GKN2: variants seen among roughly 807,000 people sequenced by gnomAD.
GKN2 encodes the protein gastrokine 2, also known as gastrokine-2.
A neutral mutation model predicts 22.7 loss-of-function variants in GKN2; 17 were observed. The observed-to-expected ratio is 0.75, with a 90% confidence interval of 0.51 to 1.13. The LOEUF is 1.13. GKN2 is among the 50% of genes most tolerant of loss of function. The pLI, the probability that GKN2 is intolerant of heterozygous loss-of-function variation, is 0.00. For synonymous variants in GKN2, 82 were observed against 79.6 expected (o/e 1.03, Z -0.16); for missense variants, 248 against 221.4 (o/e 1.12, Z -0.76).
intron 1 of GKN2, 54 bp from the exon 2 acceptor site, chr2:68,950,809 G>C (rs1299346202): frequency 9.0e-6 from 14 of 1,563,940 alleles, no homozygotes; most frequent in Admixed American, 1.7e-5. Flanking sequence ...TTGAGTGTGG[G>C]ACAGGAGGAA....
chr2:68,947,145 A>T lies in GKN2; in HGVS notation c.315+2T>A. 1 of 1,574,450 alleles carries T rather than the reference A, an allele frequency of 6.4e-7. No homozygotes were observed. The highest frequency in any genetic ancestry group is 1.1e-5 in the South Asian group (1 of 90,374). ...GAATACTCAAGAGTGCCCCAGAATTACCTGTTTCTCATAGATGTACCATTG... is the reference window on the plus strand; with the variant it reads ...GAATACTCAAGAGTGCCCCAGAATTTCCTGTTTCTCATAGATGTACCATTG... On this transcript the variant is annotated splice_donor_variant, in intron 4 of 5. Coordinates refer to ENST00000328895, the MANE Select transcript of GKN2 (RefSeq NM_182536.3). LOFTEE classifies it high-confidence loss of function.
chr2:68,945,590 T>C (rs1669754160), intron 5 of GKN2, 140 bp from the exon 6 acceptor site: 2 of 605,952 alleles, frequency 3.3e-6, no homozygotes, highest in South Asian at 5.0e-5. Context: ...TATTATGCCA[T>C]TCTGTGTCAA....
intron 2 of GKN2, 108 bp downstream of exon 2, chr2:68,950,594 C>T: frequency 2.1e-6 from 2 of 933,952 alleles, no homozygotes; most frequent in Non-Finnish European, 3.4e-6. Context: ...TCTGAGATTC[C>T]ATCCCAAATA....
intron 2 of GKN2, 102 bp downstream of exon 2, chr2:68,950,600 A>C: frequency 3.0e-6 from 3 of 1,000,892 alleles, no homozygotes; most frequent in Non-Finnish European, 4.7e-6. Context: ...ATTCCATCCC[A>C]AATAAGGCAT....
chr2:68,950,075 G>A (rs1669833126), intron 3 of GKN2, 51 bp downstream of exon 3: 1 of 1,546,674 alleles, frequency 6.5e-7, no homozygotes, highest in Non-Finnish European at 8.9e-7. Flanking sequence ...AGATCCCTCT[G>A]CTCTTTAGCA....
In GKN2 at chr2:68,946,379, A is replaced by G. The variant is rs146035954; in HGVS notation, c.397T>C (p.Phe133Leu). The G allele has an allele frequency of 2.5e-6, 4 of 1,613,858 alleles. No individual in the cohort carries two copies. In the African/African-American group the frequency reaches 4.0e-5, roughly 16 times the overall value. The change falls in exon 5 of 6, where the codon TTC becomes CTC. Residue 133 changes from phenylalanine to leucine, a missense_variant. Transcript: ENST00000328895. ...TTCTCAATGGGTGACCCAAGCAGGA[A>G]CCAATCCACGTCTTTGATCAGAGAC... ...LESLIKDVDWFLLGSPIEKLC... is the reference protein window; with the variant it reads ...LESLIKDVDWLLLGSPIEKLC...
chr2:68,952,709 G>A (rs1669876112), intron 1 of GKN2, 141 bp downstream of exon 1: 2 of 679,056 alleles, frequency 2.9e-6, no homozygotes, highest in African/African-American at 1.8e-5. Context: ...TTCTGCCAAA[G>A]ATGTCATTAA....
At chr2:68,946,067 C>T (rs1669760508) in intron 5 of GKN2, 2 of 424,052 alleles carry the variant, frequency 4.7e-6, no homozygotes, top group South Asian at 8.8e-5. Context: ...ACTCCATCCT[C>T]TCTTTTCACT....
intron 5 of GKN2, 59 bp downstream of exon 5, chr2:68,946,245 C>T: frequency 6.8e-7 from 1 of 1,477,782 alleles, no homozygotes; most frequent in Non-Finnish European, 9.2e-7. Flanking sequence ...CAACAGAGCA[C>T]CTGGCACATA....
intron 2 of GKN2, among the ~76,000 whole-genome samples, chr2:68,950,495 G>A: frequency 6.6e-6 from 1 of 152,176 alleles, no homozygotes; most frequent in East Asian, 1.9e-4. Context: ...AAATGAGACT[G>A]ACCACATTTT....
At chr2:68,945,548 T>TC in intron 5 of GKN2, 98 bp from the exon 6 acceptor site, 1 of 908,536 alleles carries the variant, frequency 1.1e-6, no homozygotes, top group Non-Finnish European at 1.7e-6. Flanking sequence ...ACTGACAACT[T>TC]TTGGAAGTGC....
intron 1 of GKN2, among the ~76,000 whole-genome samples, chr2:68,951,301 T>C (rs1276581484): frequency 6.6e-6 from 1 of 152,176 alleles, no homozygotes; most frequent in Non-Finnish European, 1.5e-5. Flanking sequence ...CAATTAACTT[T>C]TGAGGCTGAC....
intron 5 of GKN2, 49 bp downstream of exon 5, chr2:68,946,255 A>T: frequency 6.6e-7 from 1 of 1,525,408 alleles, no homozygotes; most frequent in East Asian, 2.3e-5. Flanking sequence ...CCTGGCACAT[A>T]GTAGCTTTCA....
intron 4 of GKN2, among the ~76,000 whole-genome samples, chr2:68,946,944 G>A (rs1669779934): frequency 6.6e-6 from 1 of 151,854 alleles, no homozygotes; most frequent in East Asian, 1.9e-4. Flanking sequence ...ACTATATGGT[G>A]GAAATCAAGC....
intron 3 of GKN2, among the ~76,000 whole-genome samples, chr2:68,947,492 G>T (rs905714828): frequency 1.8e-4 from 27 of 152,106 alleles, no homozygotes; most frequent in African/African-American, 6.5e-4. Context: ...ACTATATTCT[G>T]CTTTTCATGT....
chr2:68,946,605 C>T, intron 4 of GKN2, 145 bp from the exon 5 acceptor site: 2 of 636,742 alleles, frequency 3.1e-6, no homozygotes, highest in Non-Finnish European at 2.5e-6. Context: ...TTTTTGAACA[C>T]TCTATCTGTG....
chr2:68,950,799 T>C (rs1669843817), intron 1 of GKN2, 44 bp from the exon 2 acceptor site: 9 of 1,594,668 alleles, frequency 5.6e-6, no homozygotes, highest in African/African-American at 1.3e-5. Flanking sequence ...AGGGTAGTCA[T>C]TGAGTGTGGG....
At chr2:68,949,254 A>C (rs1285352359) in intron 3 of GKN2, among the ~76,000 whole-genome samples, 1 of 152,184 alleles carries the variant, frequency 6.6e-6, no homozygotes, top group East Asian at 1.9e-4. Flanking sequence ...CTAACACTTG[A>C]AAATAGTTTA....
intron 3 of GKN2, among the ~76,000 whole-genome samples, chr2:68,948,775 T>A (rs1669810968): frequency 6.6e-6 from 1 of 152,246 alleles, no homozygotes; most frequent in South Asian, 2.1e-4. Context: ...TCTTTCTGGT[T>A]CTTATTTTTC....
Sources: gnomAD v4.1 joint callset for allele counts (sites outside exome capture counted in the v4.1 genomes callset) on GRCh38, gnomAD v4.1.1 for gene constraint, MANE v1.5 for transcripts, NCBI Gene and HGNC (gene_info 2026-07-23, HGNC 2026-07-21) for gene names.